The following PLEKHA8 variants were observed in gnomAD, a reference collection of about 807,000 sequenced individuals.
The protein encoded by PLEKHA8 is pleckstrin homology domain-containing family A member 8.
A neutral mutation model predicts 68.2 loss-of-function variants in PLEKHA8; 36 were observed. The ratio of observed to expected loss-of-function variants is 0.53; its 90% CI spans 0.40 to 0.70. The LOEUF (loss-of-function observed/expected upper bound fraction) is 0.70, where lower values mean the gene tolerates loss of function less well. Among genes scored for constraint, PLEKHA8 ranks in the 30% least tolerant of loss-of-function variants. The probability of loss-of-function intolerance (pLI) is 0.00; values close to 1 mark genes in which losing one functional copy is unlikely to be tolerated. For synonymous variants in PLEKHA8, 211 were observed against 216.1 expected (o/e 0.98, Z 0.20); for missense variants, 505 against 615.4 (o/e 0.82, Z 1.90).
Position 30,080,991 on chromosome 7 carries a change from C to A in PLEKHA8, c.*2204C>A. The A allele has an allele frequency of 1.0e-6, 1 of 985,356 alleles. No homozygotes were observed. Among genetic ancestry groups the A allele is most frequent in the Non-Finnish European group, 1.2e-6 (1 of 829,908 alleles). 61.0% of individuals were successfully genotyped at this position (985,356 alleles called of 1,614,324 possible). ...TGCTCCCTGTCACCTCAGGTGAACT[C>A]TGTGGTCTCTTGGAGAGGTAGCACT... On this transcript the variant is annotated 3_prime_UTR_variant, in exon 14 of 14. Transcript: ENST00000449726.
intron 12 of PLEKHA8, chr7:30,072,249 C>A (rs1794285247): frequency 6.6e-6 from 1 of 152,222 alleles, no homozygotes; most frequent in African/African-American, 2.4e-5. Context: ...GGCATTCCAG[C>A]ATATTCCTAA....
At chr7:30,122,161 T>G (rs1365074570) in intron 13 of PLEKHA8, among the ~76,000 whole-genome samples, 5 of 152,242 alleles carry the variant, frequency 3.3e-5, no homozygotes. Flanking sequence ...ACACATTGGC[T>G]TAGAAGCTGC....
rs1022424035 is a variant in PLEKHA8 at position 30,045,248 on chromosome 7, C to T, written c.157+47C>T. 1.4e-5 allele frequency: 21 copies of T among 1,463,022 alleles called. No homozygotes were observed. In the African/African-American group the frequency reaches 2.9e-4, roughly 20 times the overall value. The allele number at this position is 1,463,022 out of a possible 1,614,324, so 90.6% of individuals were successfully genotyped here. The stretch of plus-strand genomic sequence containing the variant: ...AAGTTTTATTTTTCTTTCTGTTTTC[C>T]CTCAAAAACAAAAAAGCCCCTGGCC... On this transcript the variant is annotated intron_variant, in intron 2 of 13. Coordinates refer to ENST00000449726, the MANE Select transcript of PLEKHA8 (RefSeq NM_001197026.2).
chr7:30,128,163 G>A (rs541494270), intron 13 of PLEKHA8, among the ~76,000 whole-genome samples: 84 of 150,184 alleles, frequency 5.6e-4, no homozygotes, highest in African/African-American at 1.9e-3. Flanking sequence ...CTGGAGTGCA[G>A]TGGCATGATC....
At chr7:30,118,326 A>G (rs1796634074) in intron 13 of PLEKHA8, 1 of 279,416 alleles carries the variant, frequency 3.6e-6, no homozygotes, top group Non-Finnish European at 6.6e-6. Context: ...TTACAAGAAA[A>G]TAAAGCTCAA....
In PLEKHA8 at chr7:30,082,135, G is replaced by A; in HGVS notation, c.*3348G>A. ...TGACTTCGAAGGGTAGTTCTCATTA[G>A]GATGTATAAGTAGTGGCTTGAGGCA... On this transcript the variant is annotated 3_prime_UTR_variant, in exon 14 of 14. Coordinates refer to ENST00000449726, the MANE Select transcript of PLEKHA8 (RefSeq NM_001197026.2). 1 of 985,364 alleles carries A rather than the reference G, an allele frequency of 1.0e-6. No individual in the cohort carries two copies. Among genetic ancestry groups the A allele is most frequent in the Non-Finnish European group, 1.2e-6 (1 of 829,902 alleles). 61.0% of individuals were successfully genotyped at this position (985,364 alleles called of 1,614,324 possible).
At chr7:30,099,629 G>A (rs1795775187) in intron 13 of PLEKHA8, among the ~76,000 whole-genome samples, 1 of 152,052 alleles carries the variant, frequency 6.6e-6, no homozygotes, top group Admixed American at 6.6e-5. Flanking sequence ...CTACATCCAG[G>A]GAGAATACAC....
At chr7:30,119,162 G>A (rs1193051364) in intron 13 of PLEKHA8, among the ~76,000 whole-genome samples, 3 of 152,166 alleles carry the variant, frequency 2.0e-5, no homozygotes, top group Non-Finnish European at 2.9e-5. Flanking sequence ...GAGTCACTAC[G>A]GGACCTATCC....
At position 30,080,627 on chromosome 7, in the gene PLEKHA8, C is replaced by G. The variant is rs1583446005; in HGVS notation, c.*1840C>G. 4 of 985,198 alleles carry G rather than the reference C, an allele frequency of 4.1e-6. No individual in the cohort carries two copies. The South Asian group carries it at 1.9e-4, about 46-fold the overall frequency. 61.0% of individuals were successfully genotyped at this position (985,198 alleles called of 1,614,324 possible). ...TAAAGACTTCTGGAAAATACTTAAACTTGAAAAATCAACATCACATGTTTT... is the reference window on the plus strand; with the variant it reads ...TAAAGACTTCTGGAAAATACTTAAAGTTGAAAAATCAACATCACATGTTTT... On this transcript the variant is annotated 3_prime_UTR_variant, in exon 14 of 14. Coordinates refer to ENST00000449726, the MANE Select transcript of PLEKHA8 (RefSeq NM_001197026.2).
chr7:30,096,966 A>C (rs563741999), intron 13 of PLEKHA8, among the ~76,000 whole-genome samples: 1 of 152,132 alleles, frequency 6.6e-6, no homozygotes, highest in Admixed American at 6.6e-5. Context: ...GGCTGGTACC[A>C]GTTGTTCCTT....
intron 12 of PLEKHA8, among the ~76,000 whole-genome samples, chr7:30,070,524 T>C (rs533730443): frequency 1.5e-4 from 23 of 152,006 alleles, no homozygotes; most frequent in African/African-American, 5.5e-4. Context: ...GTCTCTGAGG[T>C]TGGCATAGCA....
chr7:30,114,453 G>C (rs567458962), intron 13 of PLEKHA8, among the ~76,000 whole-genome samples: 1 of 152,180 alleles, frequency 6.6e-6, no homozygotes, highest in Non-Finnish European at 1.5e-5. Context: ...CAGTTTCTGC[G>C]CTCTTAGCTA....
rs1159107905 is a variant in PLEKHA8, at chr7:30,074,075, T to G, written c.1305T>G (p.Asn435Lys). Residue 435 changes from asparagine (N) to lysine (K), a missense_variant, in exon 13 of 14, where the codon AAT becomes AAG. Asn to Lys is a moderately conservative substitution (Grantham distance 94). Coordinates refer to ENST00000449726, the MANE Select transcript of PLEKHA8 (RefSeq NM_001197026.2). ...GGAGTTTTTCTTCTTTTCAAGATAA[T>G]GCATATGGTAAAACATTGCGGCAAC... ...GEKDIQTALNNAYGKTLRQHH... is the reference protein window; with the variant it reads ...GEKDIQTALNKAYGKTLRQHH... The G allele has an allele frequency of 6.2e-7, 1 of 1,612,040 alleles. No individual in the cohort carries two copies. Among genetic ancestry groups the G allele is most frequent in the Non-Finnish European group, 8.5e-7 (1 of 1,178,798 alleles).
chr7:30,038,988 G>A (rs759324434), intron 1 of PLEKHA8, among the ~76,000 whole-genome samples: 2 of 145,552 alleles, frequency 1.4e-5, no homozygotes, highest in Non-Finnish European at 3.0e-5. Flanking sequence ...TGCATTTCTT[G>A]AAGAAAATTA....
At chr7:30,056,275 A>C (rs1218759787) in intron 9 of PLEKHA8, among the ~76,000 whole-genome samples, 1 of 66,978 alleles carries the variant, frequency 1.5e-5, no homozygotes, top group Non-Finnish European at 3.1e-5. Flanking sequence ...TTTTAAAGAT[A>C]TATTCTCTCT....
intron 4 of PLEKHA8, among the ~76,000 whole-genome samples, chr7:30,048,283 T>G (rs187467243): frequency 4.7e-4 from 72 of 152,344 alleles, no homozygotes; most frequent in Non-Finnish European, 7.6e-4. Context: ...ACTTTAGTAC[T>G]GTCATACTAA....
chr7:30,037,217 A>T (rs1212500881), intron 1 of PLEKHA8, among the ~76,000 whole-genome samples: 1 of 152,240 alleles, frequency 6.6e-6, no homozygotes, highest in African/African-American at 2.4e-5. Context: ...TTATGAACGT[A>T]GAAACCATAA....
chr7:30,090,253 A>G (rs914455192), exon 13 of PLEKHA8: 1 of 1,519,668 alleles, frequency 6.6e-7, no homozygotes, highest in East Asian at 2.5e-5. Flanking sequence ...CAGAAAAAGC[A>G]AGTCACCAAG....
downstream of PLEKHA8, among the ~76,000 whole-genome samples, chr7:30,089,343 C>T (rs1192245966): frequency 6.6e-6 from 1 of 151,906 alleles, no homozygotes; most frequent in African/African-American, 2.4e-5. Context: ...CCCGCCCCCC[C>T]ACTCCAGACC....
Sources: gnomAD v4.1 joint callset for allele counts (sites outside exome capture counted in the v4.1 genomes callset) on GRCh38, gnomAD v4.1.1 for gene constraint, MANE v1.5 for transcripts, NCBI Gene and HGNC (gene_info 2026-07-23, HGNC 2026-07-21) for gene names.